Variants in STARD13 observed in about 807,000 individuals in gnomAD.
STARD13 encodes the protein StAR related lipid transfer domain containing 13, also known as stAR-related lipid transfer protein 13.
STARD13 carries 62 observed loss-of-function variants against 106.4 expected under a neutral mutation model. The observed-to-expected ratio is 0.58, with a 90% CI of 0.48 to 0.72. The LOEUF (loss-of-function observed/expected upper bound fraction) is 0.72. Ranked by LOEUF, STARD13 falls within the 30% of genes least tolerant of loss-of-function variation. The probability of loss-of-function intolerance (pLI) is 0.00; values close to 1 mark genes in which losing one functional copy is unlikely to be tolerated. For missense variants in STARD13, 1,387 were observed against 1,424.0 expected (o/e 0.97, Z 0.42); for synonymous variants, 565 against 553.0 (o/e 1.02, Z -0.31).
intron 12 of STARD13, among the ~76,000 whole-genome samples, chr13:33,107,795 A>G (rs1873973085): frequency 6.6e-6 from 1 of 152,078 alleles, no homozygotes; most frequent in East Asian, 1.9e-4. Flanking sequence ...GGGAGTCAGG[A>G]GCTATGAGAA....
At chr13:33,396,108 C>T in the STARD13 span, among the ~76,000 whole-genome samples, 27 of 152,206 alleles carry the variant, frequency 1.8e-4, no homozygotes, top group Non-Finnish European at 3.7e-4. Flanking sequence ...CAGCTTCAGC[C>T]TCCTGAGTAG....
the STARD13 span, among the ~76,000 whole-genome samples, chr13:33,626,150 C>G: frequency 6.6e-6 from 1 of 152,178 alleles, no homozygotes; most frequent in South Asian, 2.1e-4. Flanking sequence ...CACACATCTG[C>G]ACATGTGCAT....
rs558100396 is a variant in STARD13 at position 33,233,983 on chromosome 13, G to C, written c.169+51487C>G. Among the ~76,000 whole-genome samples the C allele has an allele frequency of 3.9e-5, 6 of 152,312 alleles. No individual in the cohort carries two copies. In the East Asian group the frequency reaches 1.2e-3, roughly 29 times the overall value. On this transcript the variant is annotated intron_variant, in intron 1 of 13. Transcript: ENST00000336934. The stretch of plus-strand genomic sequence containing the variant: ...TGCCCCTTCTATGAGTCTGTTGAAG[G>C]GGCCAAGAAAAATCCTGCATCAAAT...
chr13:33,481,931 C>G, the STARD13 span, among the ~76,000 whole-genome samples: 205 of 148,192 alleles, frequency 1.4e-3, 3 homozygotes, highest in Non-Finnish European at 9.3e-4. Flanking sequence ...TGCAGTGAGC[C>G]GAGATCGCGC....
At chr13:33,406,488 T>G in the STARD13 span, among the ~76,000 whole-genome samples, 1 of 152,190 alleles carries the variant, frequency 6.6e-6, no homozygotes, top group African/African-American at 2.4e-5. Context: ...GTCAACTAAC[T>G]GATCAACACA....
intron 7 of STARD13, among the ~76,000 whole-genome samples, chr13:33,119,401 G>A (rs751859848): frequency 1.3e-5 from 2 of 152,136 alleles, no homozygotes; most frequent in African/African-American, 2.4e-5. Flanking sequence ...GTCAGCCACT[G>A]CTCATCCCCC....
At chr13:33,257,412 C>T (rs1890420644) in intron 1 of STARD13, among the ~76,000 whole-genome samples, 1 of 152,276 alleles carries the variant, frequency 6.6e-6, no homozygotes, top group Admixed American at 6.5e-5. Flanking sequence ...CCCACATGTA[C>T]TGAATGCCAA....
At chr13:33,342,695 T>C (rs1025922143) in intron 1 of STARD13, among the ~76,000 whole-genome samples, 30 of 152,310 alleles carry the variant, frequency 2.0e-4, no homozygotes, top group African/African-American at 7.2e-4. Context: ...ACCATGCCCA[T>C]CAATGATTAT....
At chr13:33,334,519 GAC>G (rs1449766098) in intron 1 of STARD13, among the ~76,000 whole-genome samples, 1 of 152,174 alleles carries the variant, frequency 6.6e-6, no homozygotes, top group Admixed American at 6.5e-5. Flanking sequence ...ATCAGGGCCT[GAC>G]ACACAGCGGA....
chr13:33,106,080 C>T (rs1873653482), intron 13 of STARD13, among the ~76,000 whole-genome samples: 1 of 152,230 alleles, frequency 6.6e-6, no homozygotes, highest in African/African-American at 2.4e-5. Context: ...AAGTTACTTA[C>T]TTCTCAAAGA....
At chr13:33,247,879 G>A (rs904230621) in intron 1 of STARD13, among the ~76,000 whole-genome samples, 20 of 152,242 alleles carry the variant, frequency 1.3e-4, no homozygotes, top group Admixed American at 3.3e-4. Context: ...GACACCCCAG[G>A]TTTTCATGAA....
chr13:33,400,407 T>C, the STARD13 span, among the ~76,000 whole-genome samples: 3 of 152,212 alleles, frequency 2.0e-5, no homozygotes, highest in Non-Finnish European at 2.9e-5. Flanking sequence ...TTCCATATCT[T>C]GCCTGTGGCG....
chr13:33,598,822 G>A, the STARD13 span, among the ~76,000 whole-genome samples: 1 of 152,198 alleles, frequency 6.6e-6, no homozygotes, highest in Non-Finnish European at 1.5e-5. Context: ...GATGCCATGG[G>A]GCGGGAGCTG....
At chr13:33,376,849 C>G in the STARD13 span, among the ~76,000 whole-genome samples, 1 of 152,142 alleles carries the variant, frequency 6.6e-6, no homozygotes, top group African/African-American at 2.4e-5. Context: ...GGACACTGCT[C>G]TATGACAGCC....
chr13:33,612,588 G>C, the STARD13 span, among the ~76,000 whole-genome samples: 40 of 152,098 alleles, frequency 2.6e-4, no homozygotes, highest in Non-Finnish European at 4.0e-4. Context: ...ATCACTTCAG[G>C]GAGGCTGTTT....
chr13:33,359,735 ATAAT>A, the STARD13 span: 2 of 152,570 alleles, frequency 1.3e-5, no homozygotes, highest in African/African-American at 4.8e-5. Flanking sequence ...AGGCCATAGT[ATAAT>A]GGCCAAAGTT....
Position 33,118,173 on chromosome 13 carries a change from C to A in STARD13, c.2173G>T (p.Asp725Tyr). The change falls in exon 8 of 14, where the codon GAC becomes TAC. Residue 725 changes from aspartate to tyrosine, a missense_variant. Transcript: ENST00000336934. ...TCCGCCACATCATAAGCAGACTGGT[C>A]TTCATAGTTGACGTTCTCAGGGAAG... ...ENFPENVNYE[D>Y]QSAYDVADMV... 1 of 1,614,172 alleles carries A rather than the reference C, an allele frequency of 6.2e-7. No homozygotes were observed. Among genetic ancestry groups the A allele is most frequent in the Non-Finnish European group, 8.5e-7 (1 of 1,180,028 alleles).
At chr13:33,224,661 A>G (rs1238680578) in intron 1 of STARD13, among the ~76,000 whole-genome samples, 2 of 152,230 alleles carry the variant, frequency 1.3e-5, no homozygotes, top group African/African-American at 4.8e-5. Context: ...ATCAAAGAGG[A>G]AATATAATCT....
At chr13:33,190,041 C>G (rs1886128209) in intron 1 of STARD13, among the ~76,000 whole-genome samples, 1 of 151,818 alleles carries the variant, frequency 6.6e-6, no homozygotes, top group African/African-American at 2.4e-5. Flanking sequence ...TATAATCACC[C>G]AGGAAGTTCA....
Sources: allele counts gnomAD v4.1 joint callset (sites outside exome capture counted in the v4.1 genomes callset), GRCh38; gene constraint gnomAD v4.1.1; transcripts MANE v1.5; gene names NCBI Gene and HGNC (gene_info 2026-07-23, HGNC 2026-07-21).